Variants in NKAIN2 observed in about 807,000 individuals in gnomAD.
NKAIN2 encodes the protein sodium/potassium-transporting ATPase subunit beta-1-interacting protein 2.
Under a neutral mutation model 32.6 loss-of-function variants are expected in NKAIN2, and 14 were observed. The observed-to-expected ratio is 0.43, with a 90% CI of 0.28 to 0.67. NKAIN2 has a LOEUF of 0.67. Among genes scored for constraint, NKAIN2 ranks in the 30% least tolerant of loss-of-function variants. The pLI is 0.17. For synonymous variants in NKAIN2, 80 were observed against 87.2 expected (o/e 0.92, Z 0.46); for missense variants, 198 against 258.3 (o/e 0.77, Z 1.60).
At chr6:124,218,408 AT>A (rs1297573500) in intron 1 of NKAIN2, among the ~76,000 whole-genome samples, 1 of 152,170 alleles carries the variant, frequency 6.6e-6, no homozygotes, top group African/African-American at 2.4e-5. Flanking sequence ...TTCATCATGA[AT>A]TTATTCTCAT....
At chr6:124,414,021 G>GT (rs35007875) in intron 3 of NKAIN2, among the ~76,000 whole-genome samples, 28,915 of 146,620 alleles carry the variant, frequency 0.2, 2,820 homozygotes, top group East Asian at 0.25. Context: ...TTGTTCGTTT[G>GT]TTTTTTTTTT....
At chr6:124,487,195 C>T (rs1210673769) in intron 3 of NKAIN2, among the ~76,000 whole-genome samples, 1 of 151,998 alleles carries the variant, frequency 6.6e-6, no homozygotes, top group African/African-American at 2.4e-5. Context: ...AGATGCTGTG[C>T]TTTCAATGAT....
chr6:124,770,409 G>A (rs1047226650), intron 4 of NKAIN2, among the ~76,000 whole-genome samples: 2 of 152,156 alleles, frequency 1.3e-5, no homozygotes, highest in South Asian at 4.1e-4. Context: ...ATCTCTTAGC[G>A]AAATTCTCAC....
chr6:124,160,911 A>G (rs1038398463), intron 1 of NKAIN2, among the ~76,000 whole-genome samples: 38 of 152,204 alleles, frequency 2.5e-4, no homozygotes, highest in African/African-American at 7.0e-4. Flanking sequence ...TCAAGATCCA[A>G]ATATTCTGTG....
rs185858491 is a variant in NKAIN2 at position 124,386,854 on chromosome 6, C to T, written c.273+31507C>T. 8.5e-5 allele frequency among the ~76,000 whole-genome samples: 13 copies of T among 152,228 alleles called. No individual in the cohort carries two copies. The East Asian group carries it at 2.5e-3, about 29-fold the overall frequency. On this transcript the variant is annotated intron_variant, in intron 3 of 6. Coordinates refer to ENST00000368417, the MANE Select transcript of NKAIN2 (RefSeq NM_001040214.3). Reference sequence around the variant, plus strand: ...TTGTAAACTATTGATTTCTTTGGGCCATTGTCCCCCTAAACCTTTTGTAAC... The same window carrying T: ...TTGTAAACTATTGATTTCTTTGGGCTATTGTCCCCCTAAACCTTTTGTAAC...
intron 3 of NKAIN2, 128 bp from the exon 4 acceptor site, chr6:124,658,058 C>A: frequency 3.0e-6 from 2 of 661,980 alleles, no homozygotes; most frequent in Non-Finnish European, 5.1e-6. Flanking sequence ...TAAAATACAG[C>A]ATGGGGTAGG....
At chr6:124,741,896 T>C (rs17711154) in intron 4 of NKAIN2, among the ~76,000 whole-genome samples, 61,538 of 151,640 alleles carry the variant, frequency 0.41, 13,355 homozygotes, top group Non-Finnish European at 0.5. Flanking sequence ...AATAGGGAAA[T>C]GGTACTGGTT....
At chr6:124,570,569 C>A (rs1429375434) in intron 3 of NKAIN2, among the ~76,000 whole-genome samples, 5 of 152,202 alleles carry the variant, frequency 3.3e-5, no homozygotes, top group Non-Finnish European at 5.9e-5. Flanking sequence ...CAGGCATTGG[C>A]AGCTTCTACG....
At chr6:124,344,063 T>C (rs1361399846) in intron 2 of NKAIN2, among the ~76,000 whole-genome samples, 1 of 152,162 alleles carries the variant, frequency 6.6e-6, no homozygotes, top group East Asian at 1.9e-4. Flanking sequence ...TAGCCAGTTT[T>C]CCCAGCACCA....
At chr6:124,342,814 TTTATTATTATTATTATTA>T (rs56290836) in intron 2 of NKAIN2, among the ~76,000 whole-genome samples, 1 of 145,462 alleles carries the variant, frequency 6.9e-6, no homozygotes, top group Non-Finnish European at 1.5e-5. Context: ...CAGAAGATGT[TTTATTATTATTATTATTA>T]TTATTATTAT....
At chr6:124,205,215 G>A (rs1180030759) in intron 1 of NKAIN2, among the ~76,000 whole-genome samples, 5 of 151,876 alleles carry the variant, frequency 3.3e-5, no homozygotes, top group South Asian at 2.1e-4. Flanking sequence ...AATGAGACAT[G>A]GACAATTCCG....
chr6:124,488,985 ATAGTT>A (rs1777760140), intron 3 of NKAIN2, among the ~76,000 whole-genome samples: 1 of 151,908 alleles, frequency 6.6e-6, no homozygotes, highest in Admixed American at 6.6e-5. Context: ...CACATCTGAT[ATAGTT>A]TAATAAATAT....
chr6:124,769,678 T>C (rs1778665865), intron 4 of NKAIN2, among the ~76,000 whole-genome samples: 1 of 152,176 alleles, frequency 6.6e-6, no homozygotes, highest in Non-Finnish European at 1.5e-5. Flanking sequence ...ATTGTTCTAG[T>C]AGAGGCACAT....
intron 3 of NKAIN2, among the ~76,000 whole-genome samples, chr6:124,396,009 C>A (rs532539987): frequency 6.6e-6 from 1 of 152,092 alleles, no homozygotes; most frequent in East Asian, 1.9e-4. Context: ...ACAAAACATA[C>A]AAAACCTCTG....
chr6:124,680,187 C>T (rs1478763439), intron 4 of NKAIN2, among the ~76,000 whole-genome samples: 1 of 151,868 alleles, frequency 6.6e-6, no homozygotes, highest in African/African-American at 2.4e-5. Flanking sequence ...GAATATGGGA[C>T]CTTAAGAAAG....
intron 2 of NKAIN2, among the ~76,000 whole-genome samples, chr6:124,331,792 G>C (rs1797673423): frequency 6.6e-6 from 1 of 152,240 alleles, no homozygotes; most frequent in South Asian, 2.1e-4. Flanking sequence ...CATTAGTAGA[G>C]TATTCTAAAT....
intron 3 of NKAIN2, among the ~76,000 whole-genome samples, chr6:124,529,983 A>G (rs1336467298): frequency 6.6e-6 from 1 of 152,186 alleles, no homozygotes; most frequent in Non-Finnish European, 1.5e-5. Context: ...AAGAATGGGA[A>G]TAGTCCTCTC....
intron 1 of NKAIN2, among the ~76,000 whole-genome samples, chr6:124,126,334 A>G (rs1438025457): frequency 6.6e-6 from 1 of 152,136 alleles, no homozygotes; most frequent in East Asian, 1.9e-4. Context: ...TTTCCTACTT[A>G]TACAGTAGAC....
At chr6:124,457,800 T>C (rs1776380427) in intron 3 of NKAIN2, among the ~76,000 whole-genome samples, 1 of 151,970 alleles carries the variant, frequency 6.6e-6, no homozygotes, top group Non-Finnish European at 1.5e-5. Flanking sequence ...GACTCAGAGA[T>C]ACTTAAAACC....
Sources: gnomAD v4.1 joint callset for allele counts (sites outside exome capture counted in the v4.1 genomes callset) on GRCh38, gnomAD v4.1.1 for gene constraint, MANE v1.5 for transcripts, NCBI Gene and HGNC (gene_info 2026-07-23, HGNC 2026-07-21) for gene names.